The following ASIC2 variants were observed in gnomAD, a reference collection of about 807,000 sequenced individuals.
ASIC2 encodes the protein acid sensing ion channel subunit 2, also known as acid-sensing ion channel 2.
Under a neutral mutation model 57.3 loss-of-function variants are expected in ASIC2, and 25 were observed. The ratio of observed to expected loss-of-function variants is 0.44; its 90% CI spans 0.32 to 0.61. The LOEUF (loss-of-function observed/expected upper bound fraction) is 0.61, where lower values mean the gene tolerates loss of function less well. ASIC2 is among the 20% of genes least tolerant of loss of function. The probability of loss-of-function intolerance (pLI) is 0.06; values close to 1 mark genes in which losing one functional copy is unlikely to be tolerated. For synonymous variants in ASIC2, 319 were observed against 307.5 expected, an observed-to-expected ratio of 1.04 and a Z score of -0.39; for missense variants, 641 against 738.1, an observed-to-expected ratio of 0.87 and a Z score of 1.52.
intron 1 of ASIC2, among the ~76,000 whole-genome samples, chr17:33,512,999 G>A (rs1227745011): frequency 1.3e-5 from 2 of 152,326 alleles, no homozygotes; most frequent in East Asian, 1.9e-4. Flanking sequence ...CATGTATCCT[G>A]TTGTCCAGTC....
At chr17:33,340,334 G>A (rs908664673) in intron 1 of ASIC2, among the ~76,000 whole-genome samples, 2 of 152,148 alleles carry the variant, frequency 1.3e-5, no homozygotes, top group African/African-American at 4.8e-5. Flanking sequence ...AGCTGCCAGA[G>A]TGTTAGTTTC....
At chr17:33,385,356 T>C (rs912777778) in intron 1 of ASIC2, among the ~76,000 whole-genome samples, 1 of 152,008 alleles carries the variant, frequency 6.6e-6, no homozygotes, top group Non-Finnish European at 1.5e-5. Flanking sequence ...TGCTTTCTCC[T>C]GAGTGAACCC....
intron 1 of ASIC2, among the ~76,000 whole-genome samples, chr17:33,382,240 A>G (rs1909514604): frequency 6.6e-6 from 1 of 152,204 alleles, no homozygotes; most frequent in African/African-American, 2.4e-5. Context: ...AATCTGGGCC[A>G]TGCAGAGCTC....
chr17:33,599,684 CA>C (rs1180804112), intron 1 of ASIC2, among the ~76,000 whole-genome samples: 2 of 152,176 alleles, frequency 1.3e-5, no homozygotes, highest in Non-Finnish European at 2.9e-5. Flanking sequence ...ATACTCTTCC[CA>C]GCATCACAAA....
chr17:33,553,110 C>T (rs1478921401), intron 1 of ASIC2, among the ~76,000 whole-genome samples: 1 of 152,058 alleles, frequency 6.6e-6, no homozygotes, highest in Admixed American at 6.5e-5. Context: ...CCTGGAGTGG[C>T]AGAGGCCCTA....
chr17:33,485,324 A>C (rs1913543112), intron 1 of ASIC2, among the ~76,000 whole-genome samples: 1 of 152,238 alleles, frequency 6.6e-6, no homozygotes, highest in Admixed American at 6.5e-5. Flanking sequence ...GCCCAGGGTC[A>C]AGCCAATAGC....
At chr17:33,251,595 G>A (rs987470078) in intron 1 of ASIC2, among the ~76,000 whole-genome samples, 2 of 152,096 alleles carry the variant, frequency 1.3e-5, no homozygotes, top group African/African-American at 2.4e-5. Flanking sequence ...CCTAAAGTGC[G>A]GGGATTACAA....
intron 1 of ASIC2, among the ~76,000 whole-genome samples, chr17:33,320,130 T>TAC (rs1906812710): frequency 6.6e-6 from 1 of 152,148 alleles, no homozygotes; most frequent in Non-Finnish European, 1.5e-5. Context: ...CTGACACCCA[T>TAC]ACCAGCCCTG....
chr17:34,088,671 G>T (rs1910204586), intron 1 of ASIC2, among the ~76,000 whole-genome samples: 1 of 152,234 alleles, frequency 6.6e-6, no homozygotes, highest in Non-Finnish European at 1.5e-5. Context: ...AGGCCTCCTT[G>T]AGCTGTGGTG....
intron 1 of ASIC2, among the ~76,000 whole-genome samples, chr17:34,127,361 G>A (rs943730920): frequency 2.0e-5 from 3 of 151,940 alleles, no homozygotes; most frequent in Non-Finnish European, 4.4e-5. Flanking sequence ...ACTCTATAAA[G>A]CAAAAAACAA....
intron 1 of ASIC2, among the ~76,000 whole-genome samples, chr17:33,870,598 G>A (rs767747322): frequency 2.0e-5 from 3 of 151,956 alleles, no homozygotes; most frequent in Non-Finnish European, 2.9e-5. Flanking sequence ...ACAATTTTCG[G>A]AATCTACTTG....
chr17:33,127,256 C>T (rs1037727758), intron 1 of ASIC2, among the ~76,000 whole-genome samples: 1 of 152,174 alleles, frequency 6.6e-6, no homozygotes, highest in Admixed American at 6.5e-5. Context: ...TGCAGCAAGT[C>T]AGGGGCAGAC....
At chr17:33,509,440 G>A (rs1266319134) in intron 1 of ASIC2, among the ~76,000 whole-genome samples, 3 of 152,160 alleles carry the variant, frequency 2.0e-5, no homozygotes, top group Admixed American at 6.6e-5. Flanking sequence ...CGGCTCATCT[G>A]CCGCAATCCC....
At chr17:34,034,585 G>T (rs371400925) in intron 1 of ASIC2, among the ~76,000 whole-genome samples, 1 of 152,166 alleles carries the variant, frequency 6.6e-6, no homozygotes, top group Non-Finnish European at 1.5e-5. Context: ...CCTGTTTGCA[G>T]ATGACATGAT....
Position 33,056,129 on chromosome 17 carries a change from G to A in ASIC2, c.988-27737C>T, listed in dbSNP as rs750762049. The stretch of plus-strand genomic sequence containing the variant: ...AGAAAGGCCAAGTGATTTGCCTCTG[G>A]TCATGCAGTTGGCTGCAGAGGTGGG... On this transcript the variant is annotated intron_variant, in intron 3 of 9. Transcript: ENST00000225823. Among the ~76,000 whole-genome samples the A allele has an allele frequency of 1.0e-3, 158 of 152,320 alleles. 1 individual carries two copies. The highest frequency in any genetic ancestry group is 3.4e-3 in the Middle Eastern group (1 of 294).
intron 1 of ASIC2, among the ~76,000 whole-genome samples, chr17:33,872,439 T>C (rs1221802617): frequency 1.3e-5 from 2 of 152,142 alleles, no homozygotes; most frequent in Non-Finnish European, 2.9e-5. Context: ...CTGAGGACTG[T>C]TATGAGCCAG....
intron 1 of ASIC2, among the ~76,000 whole-genome samples, chr17:33,612,531 G>A (rs1905444759): frequency 1.3e-5 from 2 of 152,232 alleles, no homozygotes; most frequent in Admixed American, 6.5e-5. Flanking sequence ...GGAGCAGAGA[G>A]TATCAGTGGT....
intron 3 of ASIC2, among the ~76,000 whole-genome samples, chr17:33,078,034 A>C (rs1479816243): frequency 1.3e-5 from 2 of 151,648 alleles, no homozygotes; most frequent in Admixed American, 6.6e-5. Context: ...GAGTTCAGAC[A>C]GTGAACTGCC....
chr17:33,494,635 G>A (rs1355762192), intron 1 of ASIC2, among the ~76,000 whole-genome samples: 4 of 152,130 alleles, frequency 2.6e-5, no homozygotes, highest in Admixed American at 6.6e-5. Flanking sequence ...ACACATTGTG[G>A]GGTCACACTG....
Sources: allele counts gnomAD v4.1 joint callset (sites outside exome capture counted in the v4.1 genomes callset), GRCh38; gene constraint gnomAD v4.1.1; transcripts MANE v1.5; gene names NCBI Gene and HGNC (gene_info 2026-07-23, HGNC 2026-07-21).